CCDC88A: variants seen among roughly 807,000 people sequenced by gnomAD.
CCDC88A encodes the protein girdin.
Under a neutral mutation model 234.3 loss-of-function variants are expected in CCDC88A, and 54 were observed. The ratio of observed to expected loss-of-function variants is 0.23; its 90% CI spans 0.19 to 0.29. CCDC88A has a LOEUF of 0.29. Ranked by LOEUF, CCDC88A falls within the 10% of genes least tolerant of loss-of-function variation. The pLI is 1.00. For missense variants in CCDC88A, 1,832 were observed against 2,123.4 expected (o/e 0.86, Z 2.70); for synonymous variants, 753 against 737.8 (o/e 1.02, Z -0.33).
At chr2:55,381,890 A>G (rs1206411229) in intron 3 of CCDC88A, among the ~76,000 whole-genome samples, 1 of 152,226 alleles carries the variant, frequency 6.6e-6, no homozygotes, top group Non-Finnish European at 1.5e-5. Flanking sequence ...ATTCTAAAAT[A>G]CACAGAAATG....
intron 2 of CCDC88A, among the ~76,000 whole-genome samples, chr2:55,415,824 G>A (rs1483091954): frequency 6.6e-6 from 1 of 152,156 alleles, no homozygotes; most frequent in African/African-American, 2.4e-5. Flanking sequence ...CCTCAACAGT[G>A]TGACAAAGTA....
intron 18 of CCDC88A, among the ~76,000 whole-genome samples, chr2:55,320,661 T>TA (rs1466054940): frequency 6.6e-6 from 1 of 151,556 alleles, no homozygotes; most frequent in Non-Finnish European, 1.5e-5. Context: ...AAATGGCCAA[T>TA]AAATATATGA....
At chr2:55,375,403 TTTC>T (rs1399563533) in intron 3 of CCDC88A, among the ~76,000 whole-genome samples, 4 of 150,196 alleles carry the variant, frequency 2.7e-5, no homozygotes, top group African/African-American at 7.3e-5. Context: ...GTGTGCTCTT[TTTC>T]TTCTTGTTAG....
rs1307248054 is a variant in CCDC88A at position 55,296,492 on chromosome 2, T to C, written c.4857A>G (p.Gln1619=). The change falls in exon 30 of 33, where the codon CAA becomes CAG. Residue 1619 remains glutamine, a synonymous_variant. Coordinates refer to ENST00000436346, the MANE Select transcript of CCDC88A (RefSeq NM_001365480.1). ...GGCTAAATTCTCCACTGCTGTGGCT[T>C]TGTGGCCTGCTTTGGTTATTAACTG... ...AGAVNNQSRP[Q]SHSSGEFSLL... is the part of the protein sequence containing the mutation. 1 of 1,614,214 alleles carries C rather than the reference T, an allele frequency of 6.2e-7. No individual in the cohort carries two copies. The highest frequency in any genetic ancestry group is 8.5e-7 in the Non-Finnish European group (1 of 1,180,020).
In CCDC88A at chr2:55,317,581, A is replaced by C. The variant is rs750799928; in HGVS notation, c.3585T>G (p.His1195Gln). 5.1e-6 allele frequency: 8 copies of C among 1,581,558 alleles called. No individual in the cohort carries two copies. The Admixed American group carries it at 5.1e-5, about 10-fold the overall frequency. Residue 1195 changes from histidine to glutamine, a missense_variant, in exon 20 of 33, where the codon CAT (histidine) becomes CAG (glutamine). Physicochemically the swap from His to Gln is conservative, Grantham distance 24. Around this residue, in one of 6 missense-constraint regions of CCDC88A, gnomAD observed 1,282 missense variants for 1,543.6 expected, o/e 0.83. Transcript: ENST00000436346. This position sits in a 1 kb window ranked among gnomAD's most constrained non-coding sequence, Gnocchi z 4.2. ...TAAATTACCGGTCTTCAAGGTCTCTATGTTCCACCTCAAGATTTTTGTGGG... is the reference window on the plus strand; with the variant it reads ...TAAATTACCGGTCTTCAAGGTCTCTCTGTTCCACCTCAAGATTTTTGTGGG... ...KSAHKNLEVE[H>Q]RDLEDRYNQL...
At chr2:55,409,763 G>C (rs1262691105) in intron 2 of CCDC88A, among the ~76,000 whole-genome samples, 1 of 57,842 alleles carries the variant, frequency 1.7e-5, no homozygotes, top group Non-Finnish European at 3.2e-5. Flanking sequence ...TTTTTTTTCA[G>C]ACAGAGTCTC....
intron 3 of CCDC88A, among the ~76,000 whole-genome samples, chr2:55,379,397 G>A (rs1674214807): frequency 6.6e-6 from 1 of 152,024 alleles, no homozygotes; most frequent in Admixed American, 6.6e-5. Flanking sequence ...AAAATAAACG[G>A]AGAAATAAAG....
intron 31 of CCDC88A, among the ~76,000 whole-genome samples, chr2:55,293,376 G>C (rs1213152477): frequency 6.6e-6 from 1 of 152,104 alleles, no homozygotes; most frequent in East Asian, 1.9e-4. Flanking sequence ...TATTTGAAAT[G>C]TCAGGACTGA....
At chr2:55,377,971 TA>T (rs1673981263) in intron 3 of CCDC88A, among the ~76,000 whole-genome samples, 1 of 152,204 alleles carries the variant, frequency 6.6e-6, no homozygotes, top group African/African-American at 2.4e-5. Context: ...ATGTTAGAGA[TA>T]AAACTCATTT....
chr2:55,327,734 G>A (rs1389156554), intron 17 of CCDC88A, among the ~76,000 whole-genome samples: 1 of 152,166 alleles, frequency 6.6e-6, no homozygotes, highest in Non-Finnish European at 1.5e-5. Context: ...CCTGTGGAAT[G>A]GGAAAGTCCC....
At position 55,418,879 on chromosome 2, in the gene CCDC88A, G is replaced by C; in HGVS notation, c.101C>G (p.Thr34Ser). Residue 34 changes from threonine (T) to serine (S), a missense_variant, in exon 2 of 33, where the codon ACC becomes AGC. Physicochemically the swap from Thr to Ser is moderately conservative, Grantham distance 58 (BLOSUM62 1). This residue lies in a region of CCDC88A where 36 missense variants were observed against 44.0 expected (regional missense o/e 0.82). Coordinates refer to ENST00000436346, the MANE Select transcript of CCDC88A (RefSeq NM_001365480.1). ...CAAAGCCACATATTCATCAAGGTTG[G>C]TCCCATTTCCTGCGGCCAGAGGTCC... is the stretch of plus-strand genomic sequence containing the variant. ...TFGPLAAGNG[T>S]NLDEYVALVD... is the part of the protein sequence containing the mutation. 6.2e-7 allele frequency: 1 copy of C among 1,614,090 alleles called. No homozygotes were observed. The highest frequency in any genetic ancestry group is 1.1e-5 in the South Asian group (1 of 91,084).
intron 2 of CCDC88A, among the ~76,000 whole-genome samples, chr2:55,409,261 T>C (rs1379566827): frequency 1.3e-5 from 2 of 152,236 alleles, no homozygotes; most frequent in African/African-American, 4.8e-5. Flanking sequence ...CTCTTTTTCA[T>C]GCTATTTTCT....
At chr2:55,384,169 G>A (rs1156903087) in intron 3 of CCDC88A, among the ~76,000 whole-genome samples, 1 of 151,706 alleles carries the variant, frequency 6.6e-6, no homozygotes, top group Non-Finnish European at 1.5e-5. Context: ...AACAAAGACA[G>A]ACCTTGTTTC....
chr2:55,366,939 C>G (rs894885279), intron 5 of CCDC88A, among the ~76,000 whole-genome samples: 1 of 152,096 alleles, frequency 6.6e-6, no homozygotes, highest in Non-Finnish European at 1.5e-5. Context: ...GGGATTCAAA[C>G]AGACATTTGT....
At chr2:55,403,543 G>C (rs1679076578) in intron 2 of CCDC88A, 1 of 152,218 alleles carries the variant, frequency 6.6e-6, no homozygotes, top group Non-Finnish European at 1.5e-5. Context: ...AATGTCAGCA[G>C]TTTTACTTAC....
At chr2:55,405,048 G>A (rs1476235188) in intron 2 of CCDC88A, 1 of 152,116 alleles carries the variant, frequency 6.6e-6, no homozygotes, top group Non-Finnish European at 1.5e-5. Flanking sequence ...TTTTTAAAAG[G>A]CAAAGGAATA....
chr2:55,300,740 A>C (rs1680801547), intron 28 of CCDC88A: 1 of 153,500 alleles, frequency 6.5e-6, no homozygotes, highest in Non-Finnish European at 1.4e-5. Flanking sequence ...CGAACTCCTG[A>C]CCTCAGGTGA....
At position 55,309,777 on chromosome 2, in the gene CCDC88A, A is replaced by C. The variant is rs1682095753; in HGVS notation, c.4080-523T>G. Among the ~76,000 whole-genome samples, 1 of 152,210 alleles carries C rather than the reference A, an allele frequency of 6.6e-6. No individual in the cohort carries two copies. The highest frequency in any genetic ancestry group is 2.1e-4 in the South Asian group (1 of 4,838). ...TGCCAAAGAATACTATTTACTTCAG[A>C]AACATTAGTGATCATTTACAATGAG... On this transcript the variant is annotated intron_variant, in intron 23 of 32. Coordinates refer to ENST00000436346, the MANE Select transcript of CCDC88A (RefSeq NM_001365480.1). This position sits in a 1 kb window ranked among gnomAD's most constrained non-coding sequence, Gnocchi z 5.1.
chr2:55,347,615 T>TTTTTTTTTTTTC (rs1669324714), intron 9 of CCDC88A, among the ~76,000 whole-genome samples: 1 of 137,820 alleles, frequency 7.3e-6, no homozygotes, highest in African/African-American at 2.7e-5. Flanking sequence ...CCTTTTTTTT[T>TTTTTTTTTTTTC]TTTTTTTTTT....
Sources: gnomAD v4.1 joint callset for allele counts (sites outside exome capture counted in the v4.1 genomes callset) on GRCh38, gnomAD v4.1.1 for gene constraint, gnomAD v4.1.1 regional missense constraint, Gnocchi (gnomAD v3.1) non-coding constraint, MANE v1.5 for transcripts, NCBI Gene and HGNC (gene_info 2026-07-23, HGNC 2026-07-21) for gene names.